Variants in CPT1A observed in about 807,000 individuals in gnomAD.
The protein encoded by CPT1A is carnitine O-palmitoyltransferase 1, liver isoform.
In CPT1A, 64 loss-of-function variants were observed where a neutral mutation model predicts 100.8. The observed-to-expected ratio is 0.63, with a 90% CI of 0.52 to 0.78. CPT1A has a LOEUF of 0.78. Ranked by LOEUF, CPT1A falls within the 30% of genes least tolerant of loss-of-function variation. The pLI, the probability that CPT1A is intolerant of heterozygous loss-of-function variation, is 0.00. For synonymous variants in CPT1A, 363 were observed against 396.0 expected (o/e 0.92, Z 0.99); for missense variants, 802 against 1,034.1 (o/e 0.78, Z 3.08).
rs2153997912 is a variant in CPT1A at position 68,781,794 on chromosome 11, T to C, written c.1329A>G (p.Leu443=). The change falls in exon 11 of 19, where the codon CTA becomes CTG. Residue 443 remains leucine (L), a synonymous_variant. Coordinates refer to ENST00000265641, the MANE Select transcript of CPT1A (RefSeq NM_001876.4). The stretch of plus-strand genomic sequence containing the variant: ...ACCTGTCGTAACATCGGCCGTGTAG[T>C]AGAGATTTGGCGTAGCTGTCCATTG... The part of the protein sequence containing the change: ...DTSMDSYAKS[L]LHGRCYDRWF... 1 of 1,614,154 alleles carries C rather than the reference T, an allele frequency of 6.2e-7. No homozygotes were observed.
At chr11:68,822,770 C>T (rs1856619995) in intron 1 of CPT1A, among the ~76,000 whole-genome samples, 3 of 152,116 alleles carry the variant, frequency 2.0e-5, no homozygotes, top group African/African-American at 4.8e-5. Context: ...AATGGACCTC[C>T]GACACCTGCT....
intron 13 of CPT1A, among the ~76,000 whole-genome samples, chr11:68,775,039 G>A (rs1358654590): frequency 6.6e-6 from 1 of 152,104 alleles, no homozygotes; most frequent in Non-Finnish European, 1.5e-5. Flanking sequence ...TGAGCATTCT[G>A]TAGATGTCTA....
At chr11:68,799,398 T>C in intron 5 of CPT1A, 43 bp from the exon 6 acceptor site, 5 of 1,605,982 alleles carry the variant, frequency 3.1e-6, no homozygotes, top group Non-Finnish European at 4.3e-6. Flanking sequence ...AGTTAAAACA[T>C]ATTAATCAAA....
At chr11:68,786,621 C>T (rs1855471017) in intron 9 of CPT1A, among the ~76,000 whole-genome samples, 4 of 152,326 alleles carry the variant, frequency 2.6e-5, no homozygotes, top group Admixed American at 2.6e-4. Context: ...ACCTCCGCCT[C>T]CCGGGTTCAA....
chr11:68,812,105 A>G lies in CPT1A; in HGVS notation c.281+332T>C, dbSNP rs571068716. 8.5e-5 allele frequency among the ~76,000 whole-genome samples: 13 copies of G among 152,302 alleles called. No individual in the cohort carries two copies. In the East Asian group the frequency reaches 1.2e-3, roughly 14 times the overall value. On this transcript the variant is annotated intron_variant, in intron 3 of 18. Transcript: ENST00000265641. ...GACTACATGGGGAATCAGCCCTTTG[A>G]GCAGAAATTCCATTTCAGAGCCCTA...
chr11:68,777,821 C>T (rs971156493), intron 12 of CPT1A, among the ~76,000 whole-genome samples: 18 of 152,154 alleles, frequency 1.2e-4, no homozygotes, highest in Non-Finnish European at 1.6e-4. Flanking sequence ...ATATAGGACT[C>T]GGGAAGTCCT....
chr11:68,774,881 ATTCC>A lies in CPT1A; in HGVS notation c.1575+431_1575+434del, dbSNP rs747550957. Among the ~76,000 whole-genome samples the A allele has an allele frequency of 7.2e-5, 11 of 152,118 alleles. No individual in the cohort carries two copies. In the South Asian group the frequency reaches 1.9e-3, roughly 26 times the overall value. ...AGGATTTGGTATTTGCAACCCTAAA[ATTCC>A]TTCCCAAAAGGGCTCCTGTGAATGG... On this transcript the variant is annotated intron_variant, in intron 13 of 18. Transcript: ENST00000265641.
intron 12 of CPT1A, among the ~76,000 whole-genome samples, chr11:68,779,516 C>T (rs910167669): frequency 1.1e-5 from 1 of 90,646 alleles, no homozygotes; most frequent in Non-Finnish European, 2.3e-5. Context: ...AAAAAAAAGG[C>T]TGAGTGTGGT....
chr11:68,777,351 A>T (rs1855168358), intron 12 of CPT1A, among the ~76,000 whole-genome samples: 1 of 152,100 alleles, frequency 6.6e-6, no homozygotes, highest in Non-Finnish European at 1.5e-5. Flanking sequence ...AATTACTTGA[A>T]CCCAGGAGTT....
At chr11:68,793,975 C>A (rs1855688998) in intron 8 of CPT1A, among the ~76,000 whole-genome samples, 1 of 152,164 alleles carries the variant, frequency 6.6e-6, no homozygotes, top group South Asian at 2.1e-4. Context: ...CTGACACTTA[C>A]AACCAAAGAA....
rs1555235811 is a variant in CPT1A at position 68,841,804 on chromosome 11, A to AGCG, written c.-46_-44dup. On this transcript the variant is annotated 5_prime_UTR_variant, in exon 1 of 19. Coordinates refer to ENST00000265641, the MANE Select transcript of CPT1A (RefSeq NM_001876.4). The surrounding 1 kb of genome is among the most constrained non-coding windows in gnomAD (Gnocchi z 6.3). ...TCAGCTACGGAGGTGCGGCAGCGGC[A>AGCG]GCGGCAGCGGCGGCGGCGGCGGCGG... 3.0e-6 allele frequency: 3 copies of AGCG among 997,632 alleles called. No individual in the cohort carries two copies. Among genetic ancestry groups the AGCG allele is most frequent in the South Asian group, 4.4e-5 (1 of 22,530 alleles). The allele number at this position is 997,632 out of a possible 1,614,324, so 61.8% of individuals were successfully genotyped here.
At chr11:68,798,950 C>T (rs1436231526) in intron 6 of CPT1A, among the ~76,000 whole-genome samples, 4 of 151,830 alleles carry the variant, frequency 2.6e-5, no homozygotes, top group Non-Finnish European at 5.9e-5. Context: ...TCACTTGAGC[C>T]CAGGAGTTTG....
intron 1 of CPT1A, among the ~76,000 whole-genome samples, chr11:68,832,336 G>A (rs761114766): frequency 1.3e-5 from 2 of 152,320 alleles, no homozygotes; most frequent in Non-Finnish European, 2.9e-5. Context: ...CGTAGTCCCA[G>A]ATACTAGGGA....
At chr11:68,822,585 T>C (rs1473481732) in intron 1 of CPT1A, among the ~76,000 whole-genome samples, 1 of 151,666 alleles carries the variant, frequency 6.6e-6, no homozygotes, top group Non-Finnish European at 1.5e-5. Context: ...ACCCAGCAAT[T>C]CCATTTCTAC....
chr11:68,755,521 T>A lies in CPT1A; in HGVS notation c.*2123A>T, dbSNP rs1946674287. 1 of 152,208 alleles carries A rather than the reference T, an allele frequency of 6.6e-6. No individual in the cohort carries two copies. Among genetic ancestry groups the A allele is most frequent in the African/African-American group, 2.4e-5 (1 of 41,402 alleles). The allele number at this position is 152,208 out of a possible 1,614,324, so 9.4% of individuals were successfully genotyped here. The stretch of plus-strand genomic sequence containing the variant: ...GCCTCCCGGGTTCACGCCATTCTCC[T>A]GCCTCAGCCTCCTGAGTAGCTGGGA... On this transcript the variant is annotated 3_prime_UTR_variant, in exon 19 of 19. Transcript: ENST00000265641.
intron 1 of CPT1A, among the ~76,000 whole-genome samples, chr11:68,824,293 T>C (rs981336913): frequency 1.3e-5 from 2 of 148,878 alleles, no homozygotes; most frequent in African/African-American, 4.9e-5. Flanking sequence ...ATAACAGACA[T>C]TGGGGATTCC....
At chr11:68,839,823 TCCGGGG>T in intron 1 of CPT1A, 1 of 532,792 alleles carries the variant, frequency 1.9e-6, no homozygotes, top group South Asian at 8.0e-5. Flanking sequence ...TGACCACTGG[TCCGGGG>T]CCGGGGCCAA....
At chr11:68,817,107 G>A (rs1429297273) in intron 1 of CPT1A, among the ~76,000 whole-genome samples, 1 of 138,106 alleles carries the variant, frequency 7.2e-6, no homozygotes, top group Non-Finnish European at 1.5e-5. Context: ...TGTGGTGTGT[G>A]TGTGTGGGTG....
intron 4 of CPT1A, among the ~76,000 whole-genome samples, chr11:68,806,018 A>ATT (rs539379303): frequency 0.029 from 4,070 of 139,176 alleles, 210 homozygotes; most frequent in African/African-American, 0.1. Flanking sequence ...AAGCCCATAA[A>ATT]TTTTTTTTTT....
Sources: gnomAD v4.1 joint callset for allele counts (sites outside exome capture counted in the v4.1 genomes callset) on GRCh38, gnomAD v4.1.1 for gene constraint, Gnocchi (gnomAD v3.1) non-coding constraint, MANE v1.5 for transcripts, NCBI Gene and HGNC (gene_info 2026-07-23, HGNC 2026-07-21) for gene names.